DLG2: variants seen among roughly 807,000 people sequenced by gnomAD.
DLG2 encodes disks large homolog 2.
A neutral mutation model predicts 132.5 loss-of-function variants in DLG2; 45 were observed. The observed-to-expected ratio is 0.34, with a 90% CI of 0.27 to 0.44. The LOEUF is 0.44. Ranked by LOEUF, DLG2 falls within the 20% of genes least tolerant of loss-of-function variation. DLG2 has a pLI of 1.00. For synonymous variants in DLG2, 424 were observed against 419.6 expected, an observed-to-expected ratio of 1.01 and a Z score of -0.13; for missense variants, 1,045 against 1,196.9, an observed-to-expected ratio of 0.87 and a Z score of 1.87.
chr11:84,797,102 C>T (rs966759246), intron 6 of DLG2, among the ~76,000 whole-genome samples: 1 of 152,122 alleles, frequency 6.6e-6, no homozygotes, highest in African/African-American at 2.4e-5. Context: ...CTGCCTCAGC[C>T]TCCTAAAGTG....
At chr11:84,882,642 C>A (rs962215747) in intron 6 of DLG2, among the ~76,000 whole-genome samples, 16 of 151,996 alleles carry the variant, frequency 1.1e-4, no homozygotes, top group Non-Finnish European at 1.3e-4. Context: ...GAATCTGCAG[C>A]CTTATTTTTA....
chr11:84,889,070 A>C (rs1466838336), intron 6 of DLG2, among the ~76,000 whole-genome samples: 3 of 151,868 alleles, frequency 2.0e-5, no homozygotes, highest in Admixed American at 6.6e-5. Context: ...ATTCAAATCC[A>C]AAAGTTTTCA....
intron 10 of DLG2, among the ~76,000 whole-genome samples, chr11:84,087,742 G>A (rs1452006060): frequency 6.6e-6 from 1 of 152,158 alleles, no homozygotes; most frequent in African/African-American, 2.4e-5. Context: ...TATGAGCCAA[G>A]TGATTCAGAT....
At chr11:85,615,222 G>A (rs2081260080) in intron 2 of DLG2, among the ~76,000 whole-genome samples, 1 of 152,140 alleles carries the variant, frequency 6.6e-6, no homozygotes, top group Non-Finnish European at 1.5e-5. Context: ...CAGAAAGTAA[G>A]AAAACAACGA....
At chr11:83,750,543 C>T (rs1020316962) in intron 18 of DLG2, among the ~76,000 whole-genome samples, 3 of 152,102 alleles carry the variant, frequency 2.0e-5, no homozygotes, top group Non-Finnish European at 4.4e-5. Flanking sequence ...CTTGCTGTAC[C>T]CTACATTCAT....
At chr11:84,876,693 T>C (rs1566236834) in intron 6 of DLG2, among the ~76,000 whole-genome samples, 1 of 152,190 alleles carries the variant, frequency 6.6e-6, no homozygotes, top group Non-Finnish European at 1.5e-5. Flanking sequence ...TCAGTTCTGC[T>C]CTGATCTTAG....
chr11:85,368,364 G>A (rs1424845216), intron 3 of DLG2, among the ~76,000 whole-genome samples: 1 of 152,132 alleles, frequency 6.6e-6, no homozygotes, highest in Admixed American at 6.5e-5. Context: ...AATTGATGAG[G>A]CAACTTTATT....
chr11:83,861,108 G>A (rs12791426), intron 16 of DLG2, among the ~76,000 whole-genome samples: 61,519 of 151,946 alleles, frequency 0.4, 12,681 homozygotes, highest in Middle Eastern at 0.5. Context: ...CAATGAAATC[G>A]GTATCAGGTA....
intron 18 of DLG2, among the ~76,000 whole-genome samples, chr11:83,774,400 G>T (rs754066854): frequency 1.3e-5 from 2 of 152,098 alleles, no homozygotes; most frequent in Admixed American, 1.3e-4. Flanking sequence ...TTATATGTAC[G>T]CCTTCGTTTA....
At chr11:83,608,354 A>T (rs2059633789) in intron 19 of DLG2, among the ~76,000 whole-genome samples, 1 of 145,200 alleles carries the variant, frequency 6.9e-6, no homozygotes, top group East Asian at 2.0e-4. Context: ...TTAGATTTCA[A>T]TTTTTTTTTT....
At chr11:85,605,105 T>C (rs2080434444) in intron 2 of DLG2, among the ~76,000 whole-genome samples, 2 of 152,214 alleles carry the variant, frequency 1.3e-5, no homozygotes, top group Admixed American at 1.3e-4. Context: ...CATAAATCTA[T>C]TCAACATTTT....
chr11:84,358,684 A>C (rs543644367), intron 7 of DLG2, among the ~76,000 whole-genome samples: 2 of 151,882 alleles, frequency 1.3e-5, no homozygotes, highest in African/African-American at 2.4e-5. Flanking sequence ...AGTGTCAGGA[A>C]ATGTTCTGTT....
chr11:84,408,712 C>T (rs934657006), intron 7 of DLG2, among the ~76,000 whole-genome samples: 3 of 152,188 alleles, frequency 2.0e-5, no homozygotes, highest in African/African-American at 7.2e-5. Flanking sequence ...TAGCCCTGAC[C>T]TAATGAGCCA....
At chr11:84,944,073 T>G (rs1434340406) in intron 6 of DLG2, among the ~76,000 whole-genome samples, 4 of 152,214 alleles carry the variant, frequency 2.6e-5, no homozygotes, top group Non-Finnish European at 5.9e-5. Context: ...CCTGTAAAGA[T>G]TCTACCGAGA....
intron 19 of DLG2, among the ~76,000 whole-genome samples, chr11:83,555,121 C>T (rs1325210443): frequency 1.3e-5 from 2 of 152,216 alleles, no homozygotes; most frequent in Non-Finnish European, 2.9e-5. Flanking sequence ...AATCTGAGCA[C>T]AGCAGGAGCA....
intron 7 of DLG2, among the ~76,000 whole-genome samples, chr11:84,283,126 C>G (rs1430098688): frequency 6.6e-6 from 1 of 152,138 alleles, no homozygotes; most frequent in African/African-American, 2.4e-5. Context: ...AGTTCAGAGC[C>G]TACATCATTG....
intron 19 of DLG2, among the ~76,000 whole-genome samples, chr11:83,560,797 G>C (rs1465186200): frequency 2.0e-5 from 3 of 151,872 alleles, no homozygotes; most frequent in Non-Finnish European, 4.4e-5. Flanking sequence ...AATAAAACAG[G>C]GTCCTCGATT....
At chr11:85,487,994 T>C (rs1215450827) in intron 3 of DLG2, among the ~76,000 whole-genome samples, 1 of 152,218 alleles carries the variant, frequency 6.6e-6, no homozygotes, top group Non-Finnish European at 1.5e-5. Flanking sequence ...GGTTTCCCCA[T>C]ACTGCTCTTG....
chr11:84,281,684 A>G (rs188343440), intron 7 of DLG2, among the ~76,000 whole-genome samples: 2 of 151,920 alleles, frequency 1.3e-5, no homozygotes, highest in Admixed American at 6.6e-5. Flanking sequence ...AATCAGAAAA[A>G]AAAACCCAAA....
Sources: allele counts gnomAD v4.1 joint callset (sites outside exome capture counted in the v4.1 genomes callset), GRCh38; gene constraint gnomAD v4.1.1; transcripts MANE v1.5; gene names NCBI Gene and HGNC (gene_info 2026-07-23, HGNC 2026-07-21).